Variants in EHMT1 observed in about 807,000 individuals in gnomAD.
EHMT1 encodes euchromatic histone lysine methyltransferase 1.
A neutral mutation model predicts 147.2 loss-of-function variants in EHMT1; 15 were observed. The ratio of observed to expected loss-of-function variants is 0.10; its 90% CI spans 0.07 to 0.16. EHMT1 has a LOEUF of 0.16. Among genes scored for constraint, EHMT1 ranks in the 10% least tolerant of loss-of-function variants. The probability of loss-of-function intolerance (pLI) is 1.00; values close to 1 mark genes in which losing one functional copy is unlikely to be tolerated. For missense variants in EHMT1, 1,587 were observed against 1,772.4 expected, an observed-to-expected ratio of 0.90 and a Z score of 1.88; for synonymous variants, 795 against 709.6, an observed-to-expected ratio of 1.12 and a Z score of -1.91.
intron 4 of EHMT1, among the ~76,000 whole-genome samples, chr9:137,729,501 G>A (rs1946914863): frequency 6.6e-6 from 1 of 151,970 alleles, no homozygotes; most frequent in African/African-American, 2.4e-5. Flanking sequence ...GCAGGAGAAT[G>A]GCGTGAACCC....
chr9:137,745,918 T>C, intron 6 of EHMT1: 1 of 191,678 alleles, frequency 5.2e-6, no homozygotes, highest in Non-Finnish European at 1.1e-5. Context: ...CATTGCTGAG[T>C]CATGCCTGGG....
intron 3 of EHMT1, among the ~76,000 whole-genome samples, chr9:137,718,247 G>C (rs555338238): frequency 6.6e-6 from 1 of 152,382 alleles, no homozygotes; most frequent in South Asian, 2.1e-4. Flanking sequence ...CACACATGCT[G>C]TGCTGGACTG....
intron 1 of EHMT1, among the ~76,000 whole-genome samples, chr9:137,704,801 C>CGCCTGCCTTCCCTCCCTCCT (rs988835839): frequency 3.7e-5 from 5 of 135,826 alleles, no homozygotes; most frequent in African/African-American, 1.4e-4. Context: ...CCCTCCCTCC[C>CGCCTGCCTTCCCTCCCTCCT]GCCCTCCCTC....
At chr9:137,665,705 T>C (rs1055286783) in intron 1 of EHMT1, among the ~76,000 whole-genome samples, 2 of 152,192 alleles carry the variant, frequency 1.3e-5, no homozygotes, top group Non-Finnish European at 2.9e-5. Context: ...GTGTTGATGG[T>C]TTCTGTGGAG....
chr9:137,830,841 G>T (rs1956140502), intron 25 of EHMT1, among the ~76,000 whole-genome samples: 1 of 152,188 alleles, frequency 6.6e-6, no homozygotes, highest in Non-Finnish European at 1.5e-5. Context: ...ACCCAGAAAA[G>T]CCTTGCTTCT....
At chr9:137,823,738 A>T (rs898270530) in intron 25 of EHMT1, among the ~76,000 whole-genome samples, 1 of 151,610 alleles carries the variant, frequency 6.6e-6, no homozygotes, top group East Asian at 2.0e-4. Context: ...TTATATTTTT[A>T]GTAGAGACGA....
At chr9:137,802,771 C>T (rs1022681849) in intron 18 of EHMT1, 4 of 1,221,288 alleles carry the variant, frequency 3.3e-6, no homozygotes, top group Non-Finnish European at 4.1e-6. Flanking sequence ...GCTGCAGTGC[C>T]TCCTCCGTGG....
chr9:137,813,015 T>C lies in EHMT1; in HGVS notation c.2877T>C (p.Leu959=), dbSNP rs1000228341. 6.2e-6 allele frequency: 10 copies of C among 1,614,124 alleles called. No individual in the cohort carries two copies. The highest frequency in any genetic ancestry group is 8.5e-6 in the Non-Finnish European group (10 of 1,180,038). The change falls in exon 20 of 27, where the codon CTT becomes CTC. Residue 959 remains leucine (L), a synonymous_variant. Coordinates refer to ENST00000460843, the MANE Select transcript of EHMT1 (RefSeq NM_024757.5). This position sits in a 1 kb window ranked among gnomAD's most constrained non-coding sequence, Gnocchi z 4.9. ...ACATTTTCCCTTTTAGCCTCTTTCT[T>C]TCTCGGGATTCAGATGTCACCTTAA... ...ENRYDCVVLF[L]SRDSDVTLKN... is the part of the protein sequence containing the mutation.
chr9:137,661,195 C>T (rs1482239162), intron 1 of EHMT1, among the ~76,000 whole-genome samples: 1 of 152,090 alleles, frequency 6.6e-6, no homozygotes, highest in Non-Finnish European at 1.5e-5. Flanking sequence ...CCAGATACCC[C>T]AAGTGTTAAC....
chr9:137,759,648 C>T (rs942643193), intron 9 of EHMT1, among the ~76,000 whole-genome samples: 1 of 152,232 alleles, frequency 6.6e-6, no homozygotes, highest in Non-Finnish European at 1.5e-5. Flanking sequence ...AATTGATTTC[C>T]CTGTGTTTGA....
In EHMT1 at chr9:137,786,744, C is replaced by T. The variant is rs1237314790; in HGVS notation, c.2383-4104C>T. The T allele has an allele frequency of 1.3e-5, 2 of 153,470 alleles. No homozygotes were observed. The highest frequency in any genetic ancestry group is 2.4e-5 in the African/African-American group (1 of 41,480). 9.5% of individuals were successfully genotyped at this position (153,470 alleles called of 1,614,324 possible). ...ATCTTGGCCGTGTGGCCTCATCTCT[C>T]CCGGGCTCCCGTCTTGGTCATGTGG... On this transcript the variant is annotated intron_variant, in intron 15 of 26. Coordinates refer to ENST00000460843, the MANE Select transcript of EHMT1 (RefSeq NM_024757.5). This position sits in a 1 kb window ranked among gnomAD's most constrained non-coding sequence, Gnocchi z 4.3.
At chr9:137,769,204 G>A (rs987850608) in intron 10 of EHMT1, among the ~76,000 whole-genome samples, 5 of 151,952 alleles carry the variant, frequency 3.3e-5, no homozygotes, top group Admixed American at 6.5e-5. Context: ...TTGTTTCTGC[G>A]TTTTAATTTT....
At chr9:137,765,477 T>C (rs1950152726) in intron 10 of EHMT1, among the ~76,000 whole-genome samples, 1 of 152,178 alleles carries the variant, frequency 6.6e-6, no homozygotes, top group South Asian at 2.1e-4. Flanking sequence ...TCCCTTGGGC[T>C]CTCACTTATT....
intron 1 of EHMT1, among the ~76,000 whole-genome samples, chr9:137,657,175 G>C (rs1226873065): frequency 6.6e-6 from 1 of 152,168 alleles, no homozygotes; most frequent in Non-Finnish European, 1.5e-5. Flanking sequence ...GGGCACATGG[G>C]CAGTGGTGTG....
In EHMT1 at chr9:137,813,631, G is replaced by T; in HGVS notation, c.3180+101G>T. 1 of 1,515,434 alleles carries T rather than the reference G, an allele frequency of 6.6e-7. No homozygotes were observed. 93.9% of individuals were successfully genotyped at this position (1,515,434 alleles called of 1,614,324 possible). ...GGGTTCTCACCACTCAGAGCAGGAG[G>T]GCTTATGGGGGGCTTCCCAGGAAGA... On this transcript the variant is annotated intron_variant, in intron 21 of 26. Coordinates refer to ENST00000460843, the MANE Select transcript of EHMT1 (RefSeq NM_024757.5). This position sits in a 1 kb window ranked among gnomAD's most constrained non-coding sequence, Gnocchi z 4.9.
intron 1 of EHMT1, among the ~76,000 whole-genome samples, chr9:137,622,311 G>C (rs1203729785): frequency 6.6e-6 from 1 of 151,850 alleles, no homozygotes; most frequent in African/African-American, 2.4e-5. Flanking sequence ...TAGAGATGGG[G>C]GTTTCACCAT....
chr9:137,715,266 G>A (rs12684792), intron 2 of EHMT1, among the ~76,000 whole-genome samples: 3 of 152,168 alleles, frequency 2.0e-5, no homozygotes, highest in African/African-American at 4.8e-5. Context: ...AATTAATTTA[G>A]CATTTACATA....
At chr9:137,699,886 T>A (rs1380855137) in intron 1 of EHMT1, among the ~76,000 whole-genome samples, 1 of 152,224 alleles carries the variant, frequency 6.6e-6, no homozygotes, top group African/African-American at 2.4e-5. Flanking sequence ...ATATGCTGCC[T>A]TTGTTTTTCC....
In EHMT1 at chr9:137,787,972, C is replaced by T; in HGVS notation, c.2383-2876C>T. 2 of 1,488,058 alleles carry T rather than the reference C, an allele frequency of 1.3e-6. No individual in the cohort carries two copies. Among genetic ancestry groups the T allele is most frequent in the Non-Finnish European group, 1.9e-6 (2 of 1,073,392 alleles). The allele number at this position is 1,488,058 out of a possible 1,614,324, so 92.2% of individuals were successfully genotyped here. A position where few individuals can be genotyped will look rare whatever the true frequency, so the allele number is the denominator to read the frequency against. On this transcript the variant is annotated intron_variant, in intron 15 of 26. Coordinates refer to ENST00000460843, the MANE Select transcript of EHMT1 (RefSeq NM_024757.5). The surrounding 1 kb of genome is among the most constrained non-coding windows in gnomAD (Gnocchi z 4.2). ...GCCCTGTGTCCCCCACTGGACAGCC[C>T]CCCAGGAACTGAGGTGCCCTGCAGT...
Sources: gnomAD v4.1 joint callset for allele counts (sites outside exome capture counted in the v4.1 genomes callset) on GRCh38, gnomAD v4.1.1 for gene constraint, Gnocchi (gnomAD v3.1) non-coding constraint, MANE v1.5 for transcripts, NCBI Gene and HGNC (gene_info 2026-07-23, HGNC 2026-07-21) for gene names.